Variants in TTN observed in about 807,000 individuals in gnomAD.
The protein encoded by TTN is titin.
TTN carries 1,525 observed loss-of-function variants against 3,223.0 expected under a neutral mutation model. The observed-to-expected ratio is 0.47, with a 90% CI of 0.45 to 0.49. TTN has a LOEUF of 0.49. Among genes scored for constraint, TTN ranks in the 20% least tolerant of loss-of-function variants. The pLI, the probability that TTN is intolerant of heterozygous loss-of-function variation, is 0.00. For synonymous variants in TTN, 14,094 were observed against 15,161.0 expected, an observed-to-expected ratio of 0.93 and a Z score of 5.17; for missense variants, 40,786 against 43,424.0, an observed-to-expected ratio of 0.94 and a Z score of 5.40.
Position 178,722,547 on chromosome 2 carries a change from C to A in TTN, c.22241-1G>T. ...GCAAAAGAAGGTGGGAGTTGGCGCT[C>A]TGTAGGGAGACATGTAATACTTAAG... On this transcript the variant is annotated splice_acceptor_variant, in intron 76 of 362. Transcript: ENST00000589042. LOFTEE classifies it high-confidence loss of function. 1 of 1,610,066 alleles carries A rather than the reference C, an allele frequency of 6.2e-7. No homozygotes were observed. Among genetic ancestry groups the A allele is most frequent in the Non-Finnish European group, 8.5e-7 (1 of 1,177,698 alleles).
chr2:178,573,741 C>G lies in TTN; in HGVS notation c.72391G>C (p.Ala24131Pro). Residue 24131 changes from alanine (A) to proline (P), a missense_variant, in exon 326 of 363, where the codon GCT becomes CCT. Transcript: ENST00000589042. ...DRPGPPEGPLAVTEVTSEKCV... is the reference protein window; with the variant it reads ...DRPGPPEGPLPVTEVTSEKCV... ...TTTTCTGATGTCACTTCAGTTACAG[C>G]CAAAGGTCCTTCAGGTGGGCCTGGT... 2.5e-6 allele frequency: 4 copies of G among 1,573,606 alleles called. No individual in the cohort carries two copies. The highest frequency in any genetic ancestry group is 2.6e-6 in the Non-Finnish European group (3 of 1,161,928).
Position 178,531,472 on chromosome 2 carries a change from A to C in TTN, c.105143T>G (p.Val35048Gly). Residue 35048 changes from valine (V) to glycine (G), a missense_variant, in exon 358 of 363, where the codon GTC becomes GGC. By Grantham distance (109) the Val-to-Gly change is moderately radical. Transcript: ENST00000589042. Reference sequence around the variant, plus strand: ...CAGCTCAGGGAAAACAGATCTGGGGACCTCTTCATCTCTGCGTTGGGAAGC... The same window carrying C: ...CAGCTCAGGGAAAACAGATCTGGGGCCCTCTTCATCTCTGCGTTGGGAAGC... Reference protein sequence around the residue: ...TYASQRRDEEVPRSVFPELTR... With the variant: ...TYASQRRDEEGPRSVFPELTR... The C allele has an allele frequency of 6.2e-7, 1 of 1,613,730 alleles. No homozygotes were observed. Among genetic ancestry groups the C allele is most frequent in the South Asian group, 1.1e-5 (1 of 91,066 alleles).
At chr2:178,650,055 C>A in intron 210 of TTN, 109 bp downstream of exon 210, 1 of 1,318,902 alleles carries the variant, frequency 7.6e-7, no homozygotes, top group Non-Finnish European at 1.0e-6. Context: ...TTAATGTAGT[C>A]AGATTTCAGG....
In TTN at chr2:178,565,451, C is replaced by G. The variant is rs928657933; in HGVS notation, c.80681G>C (p.Gly26894Ala). 3 of 1,613,152 alleles carry G rather than the reference C, an allele frequency of 1.9e-6. No homozygotes were observed. The highest frequency in any genetic ancestry group is 2.7e-5 in the African/African-American group (2 of 74,852). The change falls in exon 326 of 363, where the codon GGA (glycine) becomes GCA (alanine). Residue 26894 changes from glycine to alanine, a missense_variant. Transcript: ENST00000589042. Reference sequence around the variant, plus strand: ...TGGAATTTCTATTTTAAGATCTTCTCCAGCTTGGATACTATATGTGTTAAA... The same window carrying G: ...TGGAATTTCTATTTTAAGATCTTCTGCAGCTTGGATACTATATGTGTTAAA... The part of the protein sequence containing the change: ...LPFNTYSIQA[G>A]EDLKIEIPVI...
intron 73 of TTN, 57 bp from the exon 74 acceptor site, chr2:178,723,753 T>C: frequency 1.3e-6 from 2 of 1,528,644 alleles, no homozygotes; most frequent in Non-Finnish European, 1.8e-6. Context: ...GGAGTTGCAA[T>C]TTTGAATAAA....
chr2:178,685,329 C>T lies in TTN; in HGVS notation c.32394G>A (p.Val10798=). ...CAATTTTCTTCTCCTGCCTCTCTGT[C>T]ACTTGAAAAGATTATAAAATATGTT... is the stretch of plus-strand genomic sequence containing the variant. ...SKRVEAEPAE[V]TERQEKKIVL... Residue 10798 remains valine (V), a splice_region_variant and synonymous_variant, in exon 129 of 363, where the codon GTG becomes GTA. Coordinates refer to ENST00000589042, the MANE Select transcript of TTN (RefSeq NM_001267550.2). 6.5e-7 allele frequency: 1 copy of T among 1,550,050 alleles called. No individual in the cohort carries two copies. Among genetic ancestry groups the T allele is most frequent in the Non-Finnish European group, 8.7e-7 (1 of 1,146,392 alleles).
chr2:178,731,655 T>C (rs751283525), intron 58 of TTN, 38 bp downstream of exon 58: 4 of 1,578,626 alleles, frequency 2.5e-6, no homozygotes, highest in Non-Finnish European at 3.4e-6. Flanking sequence ...GAATTGACTC[T>C]TCAGAAAAGC....
chr2:178,623,360 G>A (rs1027038188), intron 242 of TTN, among the ~76,000 whole-genome samples: 1 of 150,654 alleles, frequency 6.6e-6, no homozygotes, highest in Non-Finnish European at 1.5e-5. Flanking sequence ...TTGTATGGGA[G>A]GGTGATTAGG....
At chr2:178,578,563 G>A in intron 321 of TTN, 48 bp downstream of exon 321, 5 of 1,394,200 alleles carry the variant, frequency 3.6e-6, no homozygotes, top group Non-Finnish European at 5.0e-6. Context: ...GGAAATATTT[G>A]TGAGGAATCT....
At chr2:178,647,040 G>A (rs1576887005) in intron 215 of TTN, 24 bp downstream of exon 215, 10 of 731,450 alleles carry the variant, frequency 1.4e-5, no homozygotes, top group Admixed American at 4.6e-5. Context: ...TTAAAAAAAT[G>A]TATATATATA....
Position 178,800,563 on chromosome 2 carries a change from G to A in TTN, c.415C>T (p.Arg139Trp), listed in dbSNP as rs752970602. The part of the protein sequence containing the change: ...GIPTPVVKFY[R>W]DGAEIQSSLD... ...GAGCTCTGGATTTCGGCTCCATCCC[G>A]GTAGAACTTCACCACAGGTGTAGGG... Residue 139 changes from arginine to tryptophan, a missense_variant, in exon 4 of 363, where the codon CGG becomes TGG. By Grantham distance (101) the Arg-to-Trp change is moderately radical. Transcript: ENST00000589042. The A allele has an allele frequency of 1.1e-4, 172 of 1,613,988 alleles. No individual in the cohort carries two copies. The highest frequency in any genetic ancestry group is 1.3e-4 in the Non-Finnish European group (159 of 1,180,004).
rs1187293520 is a variant in TTN at position 178,633,551 on chromosome 2, C to A, written c.42808G>T (p.Val14270Phe). The change falls in exon 232 of 363, where the codon GTC (valine) becomes TTC (phenylalanine). Residue 14270 changes from valine (V) to phenylalanine (F), a missense_variant. Val to Phe is a conservative substitution (Grantham distance 50, BLOSUM62 -1). Transcript: ENST00000589042. ...TTGATAGAATATTTGGGTGAAGGGA[C>A]AATCTCTTCACCATCTTTGAACCAT... is the stretch of plus-strand genomic sequence containing the variant. Reference protein sequence around the residue: ...VKWFKDGEEIVPSPKYSIKAD... With the variant: ...VKWFKDGEEIFPSPKYSIKAD... 2 of 1,613,400 alleles carry A rather than the reference C, an allele frequency of 1.2e-6. No individual in the cohort carries two copies. Among genetic ancestry groups the A allele is most frequent in the South Asian group, 2.2e-5 (2 of 91,076 alleles).
In TTN at chr2:178,570,300, G is replaced by A. The variant is rs777445126; in HGVS notation, c.75832C>T (p.Arg25278Cys). The change falls in exon 326 of 363, where the codon CGT (arginine) becomes TGT (cysteine). Residue 25278 changes from arginine to cysteine, a missense_variant. Arg to Cys is a radical substitution (Grantham distance 180). Transcript: ENST00000589042. ...CCATATTTGTTTACTGCCATTATAC[G>A]GAAAGTATATTCATTGCCTTCAAGA... ...KLLEGNEYTF[R>C]IMAVNKYGVG... The A allele has an allele frequency of 2.4e-5, 38 of 1,613,126 alleles. No individual in the cohort carries two copies. The highest frequency in any genetic ancestry group is 3.3e-4 in the Middle Eastern group (2 of 6,082).
Position 178,567,054 on chromosome 2 carries a change from G to A in TTN, c.79078C>T (p.Arg26360Cys), listed in dbSNP as rs889825410. 12 of 1,613,382 alleles carry A rather than the reference G, an allele frequency of 7.4e-6. No individual in the cohort carries two copies. The highest frequency in any genetic ancestry group is 4.0e-5 in the African/African-American group (3 of 74,848). ...CCATATTTGTTGACAGCCATTATAC[G>A]GAAAACATATTCATTACCTTCTAAG... ...KLLEGNEYVF[R>C]IMAVNKYGVG... Residue 26360 changes from arginine to cysteine, a missense_variant, in exon 326 of 363, where the codon CGT becomes TGT. Physicochemically the swap from Arg to Cys is radical, Grantham distance 180. Transcript: ENST00000589042.
At chr2:178,679,209 A>G in intron 142 of TTN, 130 bp downstream of exon 142, 1 of 915,410 alleles carries the variant, frequency 1.1e-6, no homozygotes, top group Non-Finnish European at 1.7e-6. Context: ...TCCTGTGGCC[A>G]GTTGAGAGGC....
chr2:178,749,073 C>A (rs2084581228), intron 47 of TTN: 1 of 1,612,698 alleles, frequency 6.2e-7, no homozygotes, highest in African/African-American at 1.3e-5. Flanking sequence ...CCAAGGGATT[C>A]TTCATATACA....
In TTN at chr2:178,651,974, A is replaced by G. The variant is rs758465214; in HGVS notation, c.39296-7T>C. On this transcript the variant is annotated splice_polypyrimidine_tract_variant and splice_region_variant and intron_variant, in intron 204 of 362. Transcript: ENST00000589042. ...TCCTCAGGCTCCTCGAACACTTTAA[A>G]GACATGAGCTCATTTTAATGCCAGA... is the stretch of plus-strand genomic sequence containing the variant. The G allele has an allele frequency of 3.1e-6, 5 of 1,610,776 alleles. No homozygotes were observed.
intron 326 of TTN, 120 bp downstream of exon 326, chr2:178,559,191 G>T: frequency 2.4e-6 from 2 of 835,298 alleles, no homozygotes; most frequent in African/African-American, 1.7e-5. Context: ...GAATAGTTTG[G>T]GGTGTGAAGG....
At chr2:178,804,801 T>C in intron 1 of TTN, 146 bp from the exon 2 acceptor site, 2 of 729,480 alleles carry the variant, frequency 2.7e-6, no homozygotes, top group Non-Finnish European at 2.3e-6. Context: ...GTCTTCTCTT[T>C]TGTGGCTTGA....
Sources: gnomAD v4.1 joint callset for allele counts (sites outside exome capture counted in the v4.1 genomes callset) on GRCh38, gnomAD v4.1.1 for gene constraint, MANE v1.5 for transcripts, NCBI Gene and HGNC (gene_info 2026-07-23, HGNC 2026-07-21) for gene names.